The following PARP4 variants were observed in gnomAD, a reference collection of about 807,000 sequenced individuals.
PARP4 encodes poly(ADP-ribose) polymerase family member 4.
In PARP4, 120 loss-of-function variants were observed where a neutral mutation model predicts 187.7. The observed-to-expected ratio is 0.64, with a 90% confidence interval of 0.55 to 0.74. The LOEUF (loss-of-function observed/expected upper bound fraction) is 0.74, where lower values mean the gene tolerates loss of function less well. Among genes scored for constraint, PARP4 ranks in the 30% least tolerant of loss-of-function variants. The pLI is 0.00. For synonymous variants in PARP4, 654 were observed against 740.9 expected (o/e 0.88, Z 1.90); for missense variants, 1,836 against 2,070.5 (o/e 0.89, Z 2.20).
At position 24,456,341 on chromosome 13, in the gene PARP4, C is replaced by A. The variant is rs751920999; in HGVS notation, c.2562G>T (p.Glu854Asp). The A allele has an allele frequency of 1.2e-6, 2 of 1,604,992 alleles. No homozygotes were observed. The highest frequency in any genetic ancestry group is 1.1e-5 in the South Asian group (1 of 90,348). The change falls in exon 21 of 34, where the codon GAG becomes GAT. Residue 854 changes from glutamate (E) to aspartate (D), a missense_variant and splice_region_variant. Glu to Asp is a conservative substitution (Grantham distance 45). Transcript: ENST00000381989. Reference sequence around the variant, plus strand: ...TATGTCTAAGTAAAAAGGAGTATACCTCGCTTTCTTTTTCTGGATGTTTTT... The same window carrying A: ...TATGTCTAAGTAAAAAGGAGTATACATCGCTTTCTTTTTCTGGATGTTTTT... Reference protein sequence around the residue: ...WVEKHPEKESEACMLVFQPDL... With the variant: ...WVEKHPEKESDACMLVFQPDL...
At chr13:24,460,274 GA>G in intron 17 of PARP4, 138 bp from the exon 18 acceptor site, 3 of 720,462 alleles carry the variant, frequency 4.2e-6, no homozygotes, top group Non-Finnish European at 6.9e-6. Flanking sequence ...AAACCTAAAA[GA>G]CACATTGGTG....
At chr13:24,505,155 C>G (rs529783262) in intron 1 of PARP4, among the ~76,000 whole-genome samples, 5 of 152,064 alleles carry the variant, frequency 3.3e-5, no homozygotes, top group South Asian at 2.1e-4. Context: ...CACACACACA[C>G]AGAGGAGAAA....
At chr13:24,494,459 G>T (rs1184925054) in intron 7 of PARP4, 114 bp downstream of exon 7, 2 of 913,094 alleles carry the variant, frequency 2.2e-6, no homozygotes, top group Non-Finnish European at 3.3e-6. Context: ...CTCCCAAACT[G>T]CTGGGATACA....
At chr13:24,511,258 G>C (rs1870006182) in intron 1 of PARP4, among the ~76,000 whole-genome samples, 1 of 151,978 alleles carries the variant, frequency 6.6e-6, no homozygotes, top group Non-Finnish European at 1.5e-5. Flanking sequence ...CCCTCTTCTG[G>C]GTTAACAGCG....
intron 2 of PARP4, 62 bp downstream of exon 2, chr13:24,503,583 T>C: frequency 1.3e-6 from 2 of 1,574,830 alleles, no homozygotes; most frequent in Non-Finnish European, 1.7e-6. Flanking sequence ...CTTCTAACCA[T>C]GACCCTGTTC....
intron 1 of PARP4, among the ~76,000 whole-genome samples, chr13:24,504,286 T>C (rs1404077113): frequency 2.0e-5 from 3 of 150,302 alleles, no homozygotes; most frequent in African/African-American, 7.3e-5. Flanking sequence ...TGTATACACA[T>C]ATATATTCTG....
In PARP4 at chr13:24,456,372, C is replaced by T; in HGVS notation, c.2531G>A (p.Trp844Ter). 1 of 1,610,572 alleles carries T rather than the reference C, an allele frequency of 6.2e-7. No homozygotes were observed. Residue 844 changes from tryptophan (W) to a stop codon, truncating the protein, a stop_gained, in exon 21 of 34, where the codon TGG becomes TAG. Transcript: ENST00000381989. LOFTEE classifies it high-confidence loss of function. ...GLSAAYLPRM[W>*]VEKHPEKESE... ...TTCTTTTTCTGGATGTTTTTCAACC[C>T]ACATTCTTGGGAGATAGGCAGCAGA... is the stretch of plus-strand genomic sequence containing the variant.
At chr13:24,441,759 GA>G (rs1396340080) in intron 30 of PARP4, 86 bp downstream of exon 30, 1 of 1,222,554 alleles carries the variant, frequency 8.2e-7, no homozygotes, top group East Asian at 2.4e-5. Context: ...GTACAGGTAA[GA>G]AGGGAGCTAT....
chr13:24,456,863 G>C (rs917752581), intron 20 of PARP4, among the ~76,000 whole-genome samples: 31 of 152,074 alleles, frequency 2.0e-4, no homozygotes, highest in African/African-American at 7.5e-4. Flanking sequence ...TCGCGCCACT[G>C]CACTCCAGCC....
At chr13:24,511,665 G>T (rs893279382) in intron 1 of PARP4, among the ~76,000 whole-genome samples, 8 of 152,188 alleles carry the variant, frequency 5.3e-5, no homozygotes, top group African/African-American at 1.7e-4. Context: ...TCCCTTTCTG[G>T]GCAGTCTTGA....
chr13:24,427,818 C>A (rs1364156655), intron 32 of PARP4, among the ~76,000 whole-genome samples: 7 of 151,960 alleles, frequency 4.6e-5, no homozygotes, highest in Non-Finnish European at 8.8e-5. Context: ...TCAGTGGAGA[C>A]AAAAGCAGTT....
At chr13:24,502,085 T>C (rs1220731400) in intron 2 of PARP4, among the ~76,000 whole-genome samples, 1 of 152,238 alleles carries the variant, frequency 6.6e-6, no homozygotes, top group Non-Finnish European at 1.5e-5. Context: ...TAAATTTTCA[T>C]TATTGTAAAC....
intron 12 of PARP4, among the ~76,000 whole-genome samples, chr13:24,479,800 G>A (rs1184559434): frequency 6.6e-6 from 1 of 152,226 alleles, no homozygotes; most frequent in Non-Finnish European, 1.5e-5. Flanking sequence ...TCCGCACTGT[G>A]GAAGCTTTGT....
intron 11 of PARP4, among the ~76,000 whole-genome samples, chr13:24,485,656 G>C (rs781496136): frequency 3.3e-5 from 5 of 152,042 alleles, no homozygotes; most frequent in African/African-American, 4.8e-5. Context: ...CAGAATCTTA[G>C]AGTTATGTTT....
chr13:24,449,174 G>A (rs1593602916), intron 25 of PARP4, among the ~76,000 whole-genome samples: 1 of 152,212 alleles, frequency 6.6e-6, no homozygotes, highest in East Asian at 1.9e-4. Context: ...AGATCATGAG[G>A]TCAGGAGATC....
intron 17 of PARP4, among the ~76,000 whole-genome samples, chr13:24,466,280 C>T (rs9551106): frequency 0.11 from 16,740 of 152,118 alleles, 1,147 homozygotes; most frequent in East Asian, 0.27. Context: ...CTCTCAGGCT[C>T]AAGTGATCCT....
In PARP4 at chr13:24,452,567, T is replaced by C; in HGVS notation, c.2853A>G (p.Thr951=). Residue 951 remains threonine (T), a synonymous_variant, in exon 24 of 34, where the codon ACA becomes ACG. Transcript: ENST00000381989. ...IMSATPTMGN[T]DFWKTLRYLS... is the part of the protein sequence containing the mutation. ...GATATCGGAGTGTTTTCCAGAAGTC[T>C]GTGTTCCCCATGGTAGGTGTGGCAG... 6.2e-7 allele frequency: 1 copy of C among 1,613,784 alleles called. No individual in the cohort carries two copies. The highest frequency in any genetic ancestry group is 8.5e-7 in the Non-Finnish European group (1 of 1,179,824).
Position 24,460,137 on chromosome 13 carries a change from C to G in PARP4, c.2134-1G>C. 1 of 1,611,376 alleles carries G rather than the reference C, an allele frequency of 6.2e-7. No homozygotes were observed. The highest frequency in any genetic ancestry group is 8.5e-7 in the Non-Finnish European group (1 of 1,178,802). On this transcript the variant is annotated splice_acceptor_variant, in intron 17 of 33. Coordinates refer to ENST00000381989, the MANE Select transcript of PARP4 (RefSeq NM_006437.4). LOFTEE classifies it high-confidence loss of function. ...TTCCAACACTTACAGTAAAAACGTC[C>G]TGAAACAGAAACATATGACTTAGCT...
At chr13:24,460,816 C>G (rs4586279) in intron 17 of PARP4, among the ~76,000 whole-genome samples, 1 of 151,902 alleles carries the variant, frequency 6.6e-6, no homozygotes, top group Admixed American at 6.6e-5. Flanking sequence ...GATGGGACTA[C>G]AGGCACGCAC....
Sources: allele counts gnomAD v4.1 joint callset (sites outside exome capture counted in the v4.1 genomes callset), GRCh38; gene constraint gnomAD v4.1.1; transcripts MANE v1.5; gene names NCBI Gene and HGNC (gene_info 2026-07-23, HGNC 2026-07-21).